Variants in CBFA2T2 observed in about 807,000 individuals in gnomAD.
The protein encoded by CBFA2T2 is CBFA2/RUNX1 partner transcriptional co-repressor 2.
A neutral mutation model predicts 62.2 loss-of-function variants in CBFA2T2; 11 were observed. The ratio of observed to expected loss-of-function variants is 0.18; its 90% CI spans 0.11 to 0.29. The LOEUF is 0.29. Ranked by LOEUF, CBFA2T2 falls within the 10% of genes least tolerant of loss-of-function variation. CBFA2T2 has a pLI of 1.00. For synonymous variants in CBFA2T2, 295 were observed against 287.5 expected (o/e 1.03, Z -0.27); for missense variants, 592 against 774.1 (o/e 0.76, Z 2.79).
chr20:33,545,470 T>TTTCTTTCTTTCTTTCGTTCGTTCG, intron 1 of CBFA2T2, among the ~76,000 whole-genome samples: 1 of 151,444 alleles, frequency 6.6e-6, no homozygotes, highest in African/African-American at 2.4e-5. Flanking sequence ...TCTTTCTTTC[T>TTTCTTTCTTTCTTTCGTTCGTTCG]TTCGTTCGTT....
intron 1 of CBFA2T2, among the ~76,000 whole-genome samples, chr20:33,554,412 C>A (rs1260890760): frequency 3.3e-5 from 5 of 151,516 alleles, no homozygotes; most frequent in Non-Finnish European, 7.4e-5. Context: ...CCTGGCCCAG[C>A]TAGGTTTTGT....
At chr20:33,574,453 C>G (rs915959435) in intron 1 of CBFA2T2, among the ~76,000 whole-genome samples, 1 of 152,100 alleles carries the variant, frequency 6.6e-6, no homozygotes. Context: ...TGGAGAAACC[C>G]CGTCTCTACT....
intron 1 of CBFA2T2, among the ~76,000 whole-genome samples, chr20:33,510,010 C>T (rs2011479478): frequency 6.6e-6 from 1 of 151,886 alleles, no homozygotes; most frequent in Admixed American, 6.6e-5. Context: ...GTGATGTTGC[C>T]TGCCCTGTGT....
At chr20:33,575,063 A>C (rs1174620909) in intron 1 of CBFA2T2, among the ~76,000 whole-genome samples, 1 of 152,218 alleles carries the variant, frequency 6.6e-6, no homozygotes, top group African/African-American at 2.4e-5. Context: ...TTTTCATTTT[A>C]TCTGCAGGAT....
At chr20:33,602,174 C>A (rs530345239) in intron 1 of CBFA2T2, among the ~76,000 whole-genome samples, 1 of 152,018 alleles carries the variant, frequency 6.6e-6, no homozygotes, top group African/African-American at 2.4e-5. Context: ...GCTGTATACC[C>A]ACCATTGTTA....
At chr20:33,510,892 A>T (rs147700339) in intron 1 of CBFA2T2, among the ~76,000 whole-genome samples, 211 of 152,242 alleles carry the variant, frequency 1.4e-3, no homozygotes, top group African/African-American at 4.8e-3. Flanking sequence ...ACCAGTGTTG[A>T]TGAGCATTTT....
At chr20:33,643,169 G>C (rs2016915231) in intron 10 of CBFA2T2, among the ~76,000 whole-genome samples, 2 of 152,310 alleles carry the variant, frequency 1.3e-5, no homozygotes, top group Admixed American at 1.3e-4. Flanking sequence ...AGGACTGGAG[G>C]TTAGGAGCCC....
intron 1 of CBFA2T2, among the ~76,000 whole-genome samples, chr20:33,545,063 A>G (rs2012513634): frequency 6.6e-6 from 1 of 152,030 alleles, no homozygotes; most frequent in Non-Finnish European, 1.5e-5. Flanking sequence ...CATGAAGCTT[A>G]CAGTTTGTGG....
chr20:33,636,192 G>A lies in CBFA2T2; in HGVS notation c.1229-448G>A, dbSNP rs1007748004. On this transcript the variant is annotated intron_variant, in intron 8 of 10. Transcript: ENST00000342704. Reference sequence around the variant, plus strand: ...GAGAATCACTTGAACCCGGGAGGCAGAGGTTGCAGTGAGCCAAGATCGCAC... The same window carrying A: ...GAGAATCACTTGAACCCGGGAGGCAAAGGTTGCAGTGAGCCAAGATCGCAC... Among the ~76,000 whole-genome samples the A allele has an allele frequency of 1.6e-4, 24 of 147,150 alleles. No individual in the cohort carries two copies. The East Asian group carries it at 2.6e-3, about 16-fold the overall frequency.
chr20:33,528,221 CTG>C (rs1414495926), intron 1 of CBFA2T2, among the ~76,000 whole-genome samples: 2 of 152,114 alleles, frequency 1.3e-5, no homozygotes, highest in African/African-American at 2.4e-5. Context: ...GATCTGGAGA[CTG>C]TGATATGTAT....
intron 1 of CBFA2T2, among the ~76,000 whole-genome samples, chr20:33,577,436 G>A (rs2013881355): frequency 6.6e-6 from 1 of 152,112 alleles, no homozygotes; most frequent in South Asian, 2.1e-4. Context: ...CTTTTTGTCA[G>A]AAGCCTCTCT....
chr20:33,501,894 C>T (rs894928348), intron 1 of CBFA2T2, among the ~76,000 whole-genome samples: 7 of 151,854 alleles, frequency 4.6e-5, no homozygotes, highest in Admixed American at 1.3e-4. Context: ...CCTGAGTCAG[C>T]GTCACAAAGT....
intron 1 of CBFA2T2, among the ~76,000 whole-genome samples, chr20:33,583,568 G>A (rs1448198107): frequency 6.6e-6 from 1 of 151,916 alleles, no homozygotes; most frequent in South Asian, 2.1e-4. Context: ...AAATTATCTT[G>A]TTTCCAAAAA....
intron 1 of CBFA2T2, among the ~76,000 whole-genome samples, chr20:33,501,191 G>A (rs1275122667): frequency 6.6e-6 from 1 of 152,124 alleles, no homozygotes; most frequent in African/African-American, 2.4e-5. Context: ...TTAGCTGATG[G>A]TGACAAATAT....
At chr20:33,500,701 T>G (rs1212992084) in intron 1 of CBFA2T2, among the ~76,000 whole-genome samples, 1 of 152,064 alleles carries the variant, frequency 6.6e-6, no homozygotes, top group Non-Finnish European at 1.5e-5. Context: ...AGAGCAAGAC[T>G]CTGTCTCAAA....
At chr20:33,589,024 A>G (rs183447738) in intron 1 of CBFA2T2, among the ~76,000 whole-genome samples, 1 of 152,318 alleles carries the variant, frequency 6.6e-6, no homozygotes, top group East Asian at 1.9e-4. Context: ...TCCCCTAAAA[A>G]AATGCATTTG....
At chr20:33,597,435 G>C (rs1416256152) in intron 1 of CBFA2T2, among the ~76,000 whole-genome samples, 3 of 152,102 alleles carry the variant, frequency 2.0e-5, no homozygotes, top group African/African-American at 7.2e-5. Flanking sequence ...CAATCCTCAG[G>C]CTGCATACCG....
intron 10 of CBFA2T2, among the ~76,000 whole-genome samples, chr20:33,641,839 C>T (rs2016850835): frequency 6.6e-6 from 1 of 151,100 alleles, no homozygotes; most frequent in Non-Finnish European, 1.5e-5. Flanking sequence ...CAACCTTGGC[C>T]TCCCAAAGTG....
At chr20:33,605,501 A>G (rs1347173298) in intron 1 of CBFA2T2, among the ~76,000 whole-genome samples, 1 of 152,242 alleles carries the variant, frequency 6.6e-6, no homozygotes, top group Non-Finnish European at 1.5e-5. Context: ...TGTTAGATAT[A>G]TTAGAATATT....
Sources: allele counts gnomAD v4.1 joint callset (sites outside exome capture counted in the v4.1 genomes callset), GRCh38; gene constraint gnomAD v4.1.1; transcripts MANE v1.5; gene names NCBI Gene and HGNC (gene_info 2026-07-23, HGNC 2026-07-21).